Variants in CHD1L observed in about 807,000 individuals in gnomAD.
CHD1L encodes chromodomain helicase DNA binding protein 1 like.
A neutral mutation model predicts 115.9 loss-of-function variants in CHD1L; 118 were observed. The observed-to-expected ratio is 1.02, with a 90% confidence interval of 0.88 to 1.19. The LOEUF is 1.19. CHD1L is among the 50% of genes most tolerant of loss of function. The pLI, the probability that CHD1L is intolerant of heterozygous loss-of-function variation, is 0.00. For missense variants in CHD1L, 1,179 were observed against 1,065.3 expected (o/e 1.11, Z -1.49); for synonymous variants, 411 against 387.1 (o/e 1.06, Z -0.72).
chr1:147,176,807 C>T, the CHD1L span, among the ~76,000 whole-genome samples: 1 of 151,908 alleles, frequency 6.6e-6, no homozygotes, highest in African/African-American at 2.4e-5. Flanking sequence ...AGGGCAAGTA[C>T]TTTTATCTTT....
the CHD1L span, chr1:147,209,910 T>C: frequency 6.6e-6 from 1 of 152,238 alleles, no homozygotes; most frequent in Non-Finnish European, 1.5e-5. Flanking sequence ...TATTTATCAT[T>C]TTTATTGATA....
chr1:147,181,829 G>A, the CHD1L span, among the ~76,000 whole-genome samples: 2 of 152,212 alleles, frequency 1.3e-5, no homozygotes, highest in Non-Finnish European at 2.9e-5. Context: ...GAGGTGGGCT[G>A]GGAAATGAAG....
At chr1:147,220,538 T>G in the CHD1L span, among the ~76,000 whole-genome samples, 2 of 152,086 alleles carry the variant, frequency 1.3e-5, no homozygotes, top group Non-Finnish European at 2.9e-5. Context: ...TTCCAAAGAG[T>G]ATAGTATGGC....
intron 6 of CHD1L, among the ~76,000 whole-genome samples, chr1:147,263,833 C>T (rs1672872660): frequency 6.6e-6 from 1 of 151,832 alleles, no homozygotes; most frequent in South Asian, 2.1e-4. Flanking sequence ...TGGTGTTCTT[C>T]TTTGTTGTTG....
At chr1:147,209,225 C>G in the CHD1L span, among the ~76,000 whole-genome samples, 1 of 152,078 alleles carries the variant, frequency 6.6e-6, no homozygotes, top group Non-Finnish European at 1.5e-5. Context: ...CGAGACCATC[C>G]TGGCTAACAC....
At chr1:147,228,292 G>C in the CHD1L span, among the ~76,000 whole-genome samples, 1 of 151,900 alleles carries the variant, frequency 6.6e-6, no homozygotes, top group South Asian at 2.1e-4. Flanking sequence ...AGTTTGCTGA[G>C]AATGATGGTT....
At chr1:147,281,389 C>G (rs1013557070) in intron 15 of CHD1L, among the ~76,000 whole-genome samples, 3 of 152,110 alleles carry the variant, frequency 2.0e-5, no homozygotes, top group African/African-American at 7.2e-5. Flanking sequence ...GGGTTCATTT[C>G]TCTTAACTTC....
At chr1:147,196,961 G>A in the CHD1L span, among the ~76,000 whole-genome samples, 6 of 152,066 alleles carry the variant, frequency 3.9e-5, no homozygotes, top group African/African-American at 7.3e-5. Flanking sequence ...CCACAGGCTC[G>A]TACTGACCTA....
At chr1:147,252,866 G>T in intron 2 of CHD1L, 131 bp downstream of exon 2, 1 of 712,128 alleles carries the variant, frequency 1.4e-6, no homozygotes, top group East Asian at 2.7e-5. Flanking sequence ...AGGCTAACTG[G>T]CTCTTGCACC....
At chr1:147,257,694 T>C (rs12736102) in intron 5 of CHD1L, among the ~76,000 whole-genome samples, 59,583 of 151,946 alleles carry the variant, frequency 0.39, 12,424 homozygotes, top group African/African-American at 0.53. Context: ...CCCATTTAAT[T>C]TTCATGAAAA....
At chr1:147,235,087 CTGTGTGTGTGTG>C in the CHD1L span, among the ~76,000 whole-genome samples, 15 of 146,176 alleles carry the variant, frequency 1.0e-4, no homozygotes, top group South Asian at 2.5e-3. Flanking sequence ...ATATCCCACA[CTGTGTGTGTGTG>C]TGTGTGTGTG....
the CHD1L span, among the ~76,000 whole-genome samples, chr1:147,188,089 T>C: frequency 6.6e-6 from 1 of 152,112 alleles, no homozygotes; most frequent in African/African-American, 2.4e-5. Flanking sequence ...CAAGTAGGAA[T>C]TTATTGAAAT....
the CHD1L span, chr1:147,209,136 C>T: frequency 8.1e-7 from 1 of 1,231,516 alleles, no homozygotes; most frequent in South Asian, 1.4e-5. Flanking sequence ...AGAATCATTT[C>T]AGGCCCGGCG....
At chr1:147,254,104 T>G (rs1047046041) in intron 2 of CHD1L, among the ~76,000 whole-genome samples, 3 of 152,196 alleles carry the variant, frequency 2.0e-5, no homozygotes, top group Non-Finnish European at 4.4e-5. Context: ...TTGACACATT[T>G]TTGTTTTAAA....
At chr1:147,231,152 A>C in the CHD1L span, among the ~76,000 whole-genome samples, 2 of 152,060 alleles carry the variant, frequency 1.3e-5, no homozygotes, top group African/African-American at 4.8e-5. Flanking sequence ...TTAGTGCTAT[A>C]AATTTCCCTC....
At chr1:147,178,046 C>A in the CHD1L span, 1 of 781,548 alleles carries the variant, frequency 1.3e-6, no homozygotes, top group Non-Finnish European at 1.9e-6. Flanking sequence ...TAGGTGGTCG[C>A]GCGCCCGACC....
chr1:147,263,428 CAAA>C (rs587643353), intron 6 of CHD1L, among the ~76,000 whole-genome samples: 19 of 124,456 alleles, frequency 1.5e-4, no homozygotes, highest in Admixed American at 2.5e-4. Context: ...GACCCTGTCT[CAAA>C]AAAAAAAAAA....
upstream of CHD1L, among the ~76,000 whole-genome samples, chr1:147,239,877 A>C (rs1664716075): frequency 1.3e-5 from 2 of 152,202 alleles, no homozygotes; most frequent in South Asian, 4.1e-4. Context: ...TACTGGTAGA[A>C]TCTAGAGGAG....
chr1:147,221,394 C>T, the CHD1L span, among the ~76,000 whole-genome samples: 9 of 152,022 alleles, frequency 5.9e-5, no homozygotes, highest in Non-Finnish European at 1.3e-4. Context: ...GTATTATCTT[C>T]CTAATAAATT....
Sources: gnomAD v4.1 joint callset for allele counts (sites outside exome capture counted in the v4.1 genomes callset) on GRCh38, gnomAD v4.1.1 for gene constraint, MANE v1.5 for transcripts, NCBI Gene and HGNC (gene_info 2026-07-23, HGNC 2026-07-21) for gene names.